The following ZC3H12B variants were observed in gnomAD, a reference collection of about 807,000 sequenced individuals.
ZC3H12B encodes the protein probable ribonuclease ZC3H12B.
A neutral mutation model predicts 43.9 loss-of-function variants in ZC3H12B; 7 were observed. The observed-to-expected ratio is 0.16, with a 90% CI of 0.09 to 0.30. The LOEUF is 0.30. Among genes scored for constraint, ZC3H12B ranks in the 10% least tolerant of loss-of-function variants. ZC3H12B has a pLI of 1.00. For synonymous variants in ZC3H12B, 222 were observed against 241.7 expected (o/e 0.92, Z 0.76); for missense variants, 475 against 670.2 (o/e 0.71, Z 3.22).
At chrX:65,128,970 T>G in the ZC3H12B span, among the ~76,000 whole-genome samples, 2 of 111,113 alleles carry the variant, frequency 1.8e-5, no homozygotes, top group African/African-American at 6.5e-5. Flanking sequence ...GGCATATTGT[T>G]AGGTCATGTT....
the ZC3H12B span, among the ~76,000 whole-genome samples, chrX:65,171,693 G>C: frequency 2.7e-5 from 3 of 111,187 alleles, no homozygotes; most frequent in African/African-American, 6.5e-5. Flanking sequence ...GCTCCACCGA[G>C]TTTGAGTTTC....
chrX:65,450,030 G>A (rs1307335716), intron 3 of ZC3H12B, among the ~76,000 whole-genome samples: 1 of 110,199 alleles, frequency 9.1e-6, no homozygotes, highest in Non-Finnish European at 1.9e-5. Flanking sequence ...TTTTAGGCTG[G>A]GCGTGGTAAC....
At chrX:65,486,528 C>T (rs1445359796), upstream of ZC3H12B, among the ~76,000 whole-genome samples, 1 of 112,353 alleles carries the variant, frequency 8.9e-6, no homozygotes, top group East Asian at 2.8e-4. Context: ...TTCACACTTA[C>T]ACAGGTTTTA....
chrX:65,433,333 C>A (rs2067185223), intron 3 of ZC3H12B, among the ~76,000 whole-genome samples: 1 of 112,185 alleles, frequency 8.9e-6, no homozygotes, highest in South Asian at 3.7e-4. Context: ...TGCAATACCA[C>A]CTGAAATCCA....
the ZC3H12B span, among the ~76,000 whole-genome samples, chrX:65,308,724 C>A: frequency 9.0e-6 from 1 of 111,675 alleles, no homozygotes; most frequent in African/African-American, 3.3e-5. Context: ...CCAAAATTGA[C>A]CACATCGGTG....
the ZC3H12B span, among the ~76,000 whole-genome samples, chrX:65,202,321 T>A: frequency 3.8e-5 from 4 of 105,580 alleles, no homozygotes; most frequent in African/African-American, 1.4e-4. Context: ...CTTTGAAGAG[T>A]TAGAAATTTA....
the ZC3H12B span, among the ~76,000 whole-genome samples, chrX:65,151,735 G>T: frequency 1.8e-5 from 2 of 111,356 alleles, no homozygotes; most frequent in African/African-American, 6.5e-5. Context: ...CATTTATGAG[G>T]CCAGCATCAT....
intron 1 of ZC3H12B, among the ~76,000 whole-genome samples, chrX:65,367,566 G>T (rs897370782): frequency 2.7e-5 from 3 of 110,736 alleles, no homozygotes; most frequent in Admixed American, 1.9e-4. Context: ...GTTTCTTCTC[G>T]ATTTTAACTG....
At chrX:65,391,385 G>A (rs768637441) in intron 2 of ZC3H12B, among the ~76,000 whole-genome samples, 1 of 112,492 alleles carries the variant, frequency 8.9e-6, no homozygotes, top group Non-Finnish European at 1.9e-5. Context: ...TTATTCAGCA[G>A]CTGTGTGGTT....
the ZC3H12B span, among the ~76,000 whole-genome samples, chrX:65,111,197 T>C: frequency 9.0e-6 from 1 of 111,366 alleles, no homozygotes; most frequent in Non-Finnish European, 1.9e-5. Context: ...ATTTCTTCCT[T>C]TCCAATTTGT....
At chrX:65,458,339 C>T in intron 3 of ZC3H12B, among the ~76,000 whole-genome samples, 2 of 111,014 alleles carry the variant, frequency 1.8e-5, no homozygotes, top group East Asian at 5.6e-4. Context: ...GAATTGAACT[C>T]AGCTCTGCAC....
the ZC3H12B span, among the ~76,000 whole-genome samples, chrX:65,285,431 A>T: frequency 7.2e-5 from 8 of 110,842 alleles, no homozygotes; most frequent in African/African-American, 2.6e-4. Flanking sequence ...AAGCTGTCTA[A>T]AGTAAAAGTT....
chrX:65,156,697 G>A, the ZC3H12B span, among the ~76,000 whole-genome samples: 14 of 110,423 alleles, frequency 1.3e-4, no homozygotes, highest in African/African-American at 3.9e-4. Context: ...TAAACTTTTT[G>A]TAGAGACAGG....
the ZC3H12B span, among the ~76,000 whole-genome samples, chrX:65,169,420 A>C: frequency 4.5e-5 from 5 of 111,447 alleles, no homozygotes; most frequent in South Asian, 3.8e-4. Flanking sequence ...AATTTCTGTT[A>C]TTTTACATTT....
chrX:65,404,502 A>G (rs982531017), intron 3 of ZC3H12B, among the ~76,000 whole-genome samples: 8 of 111,851 alleles, frequency 7.2e-5, no homozygotes, highest in African/African-American at 2.6e-4. Context: ...AAGAAAAGTG[A>G]TGGAAAAGAC....
At chrX:65,146,315 C>T in the ZC3H12B span, among the ~76,000 whole-genome samples, 1 of 111,535 alleles carries the variant, frequency 9.0e-6, no homozygotes, top group Non-Finnish European at 1.9e-5. Context: ...TATGTGTGTC[C>T]ATTGTTTCCT....
chrX:65,232,349 G>A, the ZC3H12B span, among the ~76,000 whole-genome samples: 2 of 111,692 alleles, frequency 1.8e-5, no homozygotes, highest in Admixed American at 9.5e-5. Flanking sequence ...ATGTTCTTCT[G>A]CCATGGCTTC....
the ZC3H12B span, among the ~76,000 whole-genome samples, chrX:65,202,091 A>AT: frequency 4.4e-5 from 3 of 68,153 alleles, no homozygotes; most frequent in Non-Finnish European, 6.3e-5. Context: ...AATATATGTA[A>AT]TATATATATT....
At chrX:65,062,128 A>T in the ZC3H12B span, among the ~76,000 whole-genome samples, 2 of 112,099 alleles carry the variant, frequency 1.8e-5, no homozygotes, top group Admixed American at 1.9e-4. Flanking sequence ...CTTCACTCTG[A>T]TGATAGTTTC....
Sources: allele counts gnomAD v4.1 joint callset (sites outside exome capture counted in the v4.1 genomes callset), GRCh38; gene constraint gnomAD v4.1.1; transcripts MANE v1.5; gene names NCBI Gene and HGNC (gene_info 2026-07-23, HGNC 2026-07-21).